The following MAML3 variants were observed in gnomAD, a reference collection of about 807,000 sequenced individuals.
MAML3 encodes mastermind-like protein 3.
MAML3 carries 27 observed loss-of-function variants against 101.9 expected under a neutral mutation model. The observed-to-expected ratio is 0.27, with a 90% CI of 0.20 to 0.37. MAML3 has a LOEUF of 0.37. Among genes scored for constraint, MAML3 ranks in the 10% least tolerant of loss-of-function variants. The pLI, the probability that MAML3 is intolerant of heterozygous loss-of-function variation, is 1.00. For synonymous variants in MAML3, 501 were observed against 555.9 expected, an observed-to-expected ratio of 0.90 and a Z score of 1.39; for missense variants, 1,316 against 1,444.9, an observed-to-expected ratio of 0.91 and a Z score of 1.45.
At chr4:139,764,567 TC>T (rs1729815824) in intron 2 of MAML3, among the ~76,000 whole-genome samples, 1 of 152,198 alleles carries the variant, frequency 6.6e-6, no homozygotes, top group Non-Finnish European at 1.5e-5. Context: ...CCTGGTGGCC[TC>T]CTGAAGTTGC....
rs1019806223 is a variant in MAML3, at chr4:139,785,846, G to A, written c.2080-55179C>T. 3.3e-5 allele frequency among the ~76,000 whole-genome samples: 5 copies of A among 152,134 alleles called. No homozygotes were observed. Among genetic ancestry groups the A allele is most frequent in the African/African-American group, 7.2e-5 (3 of 41,414 alleles). ...GAGAAGGGGGCCTGGGAATTCTAAT[G>A]ACAATTTAATAGCGGCCTGCCACAT... On this transcript the variant is annotated intron_variant, in intron 2 of 4. Transcript: ENST00000509479. This position sits in a 1 kb window ranked among gnomAD's most constrained non-coding sequence, Gnocchi z 4.3.
At chr4:140,120,938 CA>C (rs1272430419) in intron 1 of MAML3, among the ~76,000 whole-genome samples, 2 of 150,022 alleles carry the variant, frequency 1.3e-5, no homozygotes, top group Non-Finnish European at 3.0e-5. Context: ...CTACTATCAA[CA>C]AAAATCTTTT....
chr4:139,972,808 T>C (rs1734254607), intron 1 of MAML3, among the ~76,000 whole-genome samples: 1 of 152,180 alleles, frequency 6.6e-6, no homozygotes, highest in Admixed American at 6.5e-5. Flanking sequence ...ATCTTAAGTA[T>C]GAAAATAAAT....
At chr4:139,834,727 A>G (rs1462078537) in intron 2 of MAML3, among the ~76,000 whole-genome samples, 1 of 152,250 alleles carries the variant, frequency 6.6e-6, no homozygotes, top group Admixed American at 6.5e-5. Context: ...GAAGCAGTGC[A>G]TTTAATTGCT....
chr4:139,736,778 AAGCTCTCC>A (rs1213056482), intron 2 of MAML3, among the ~76,000 whole-genome samples: 4 of 152,170 alleles, frequency 2.6e-5, no homozygotes, highest in Admixed American at 1.3e-4. Context: ...GTGTTTTAAC[AAGCTCTCC>A]AGGTGGTTAC....
chr4:139,918,847 C>T (rs769500051), intron 1 of MAML3, among the ~76,000 whole-genome samples: 1 of 152,090 alleles, frequency 6.6e-6, no homozygotes, highest in Admixed American at 6.6e-5. Flanking sequence ...AAACAGGAAT[C>T]GTTTCTTAAT....
chr4:140,081,269 C>T (rs549043384), intron 1 of MAML3, among the ~76,000 whole-genome samples: 4 of 151,718 alleles, frequency 2.6e-5, no homozygotes, highest in African/African-American at 9.7e-5. Context: ...AACAAATATA[C>T]ATACACATTT....
At chr4:139,745,860 C>A (rs900671893) in intron 2 of MAML3, among the ~76,000 whole-genome samples, 1 of 152,140 alleles carries the variant, frequency 6.6e-6, no homozygotes, top group Non-Finnish European at 1.5e-5. Context: ...ACAATACATC[C>A]TGGGGATGGA....
chr4:139,945,807 T>C (rs893825539), intron 1 of MAML3, among the ~76,000 whole-genome samples: 1 of 152,262 alleles, frequency 6.6e-6, no homozygotes, highest in African/African-American at 2.4e-5. Context: ...TTCATCTACC[T>C]TTCCTTGTAC....
At chr4:139,804,416 G>A (rs1353444154) in intron 2 of MAML3, among the ~76,000 whole-genome samples, 6 of 151,922 alleles carry the variant, frequency 3.9e-5, no homozygotes, top group Admixed American at 2.0e-4. Context: ...ACAGGTGCCC[G>A]CCACCATGCC....
At chr4:139,849,088 T>C (rs1415189666) in intron 2 of MAML3, among the ~76,000 whole-genome samples, 1 of 152,232 alleles carries the variant, frequency 6.6e-6, no homozygotes, top group Non-Finnish European at 1.5e-5. Context: ...TTAAACACTA[T>C]TAGATCTTAC....
At chr4:139,959,619 CG>C (rs1733974735) in intron 1 of MAML3, among the ~76,000 whole-genome samples, 1 of 152,106 alleles carries the variant, frequency 6.6e-6, no homozygotes, top group African/African-American at 2.4e-5. Context: ...TTGAAGTTTC[CG>C]GGGCACTCTG....
At chr4:139,820,168 T>G (rs1730951260) in intron 2 of MAML3, among the ~76,000 whole-genome samples, 1 of 152,238 alleles carries the variant, frequency 6.6e-6, no homozygotes, top group African/African-American at 2.4e-5. Context: ...GACCAACCTG[T>G]GTCAATATCA....
intron 2 of MAML3, among the ~76,000 whole-genome samples, chr4:139,826,835 A>G (rs1334950377): frequency 2.0e-5 from 3 of 152,192 alleles, no homozygotes; most frequent in Admixed American, 1.3e-4. Context: ...ACCATCACAC[A>G]AAGATCCCTC....
chr4:139,780,623 C>CTTT (rs35929438), intron 2 of MAML3, among the ~76,000 whole-genome samples: 4 of 136,956 alleles, frequency 2.9e-5, no homozygotes, highest in African/African-American at 1.1e-4. Context: ...TCTTTCTTTT[C>CTTT]TTTTTTTTTT....
At chr4:140,064,965 G>A (rs1191702895) in intron 1 of MAML3, among the ~76,000 whole-genome samples, 1 of 152,136 alleles carries the variant, frequency 6.6e-6, no homozygotes, top group African/African-American at 2.4e-5. Context: ...TGAAAATGAA[G>A]ATTCTTTCAC....
chr4:139,911,099 A>T (rs1732911946), intron 1 of MAML3, among the ~76,000 whole-genome samples: 1 of 152,166 alleles, frequency 6.6e-6, no homozygotes, highest in Non-Finnish European at 1.5e-5. Context: ...TGTCTCTATG[A>T]ATTTAACTAC....
intron 2 of MAML3, among the ~76,000 whole-genome samples, chr4:139,736,437 G>A (rs1483588047): frequency 6.6e-6 from 1 of 152,122 alleles, no homozygotes; most frequent in East Asian, 1.9e-4. Context: ...AGACAGAGGC[G>A]CCTGGCTGTG....
intron 2 of MAML3, among the ~76,000 whole-genome samples, chr4:139,776,787 A>T (rs1345588402): frequency 9.4e-6 from 1 of 106,430 alleles, no homozygotes; most frequent in African/African-American, 3.4e-5. Flanking sequence ...AAAAAGAGTG[A>T]CATGTAAAGG....
Sources: gnomAD v4.1 joint callset for allele counts (sites outside exome capture counted in the v4.1 genomes callset) on GRCh38, gnomAD v4.1.1 for gene constraint, Gnocchi (gnomAD v3.1) non-coding constraint, MANE v1.5 for transcripts, NCBI Gene and HGNC (gene_info 2026-07-23, HGNC 2026-07-21) for gene names.